ANKS1B: variants seen among roughly 807,000 people sequenced by gnomAD.
ANKS1B encodes the protein ankyrin repeat and sterile alpha motif domain-containing protein 1B.
A neutral mutation model predicts 148.3 loss-of-function variants in ANKS1B; 36 were observed. The ratio of observed to expected loss-of-function variants is 0.24; its 90% confidence interval spans 0.19 to 0.32. ANKS1B has a LOEUF of 0.32. Among genes scored for constraint, ANKS1B ranks in the 10% least tolerant of loss-of-function variants. The pLI, the probability that ANKS1B is intolerant of heterozygous loss-of-function variation, is 1.00. For synonymous variants in ANKS1B, 542 were observed against 560.8 expected, an observed-to-expected ratio of 0.97 and a Z score of 0.47; for missense variants, 1,157 against 1,542.6, an observed-to-expected ratio of 0.75 and a Z score of 4.19.
At chr12:99,369,345 GAT>G (rs1338301071) in intron 12 of ANKS1B, among the ~76,000 whole-genome samples, 2 of 152,098 alleles carry the variant, frequency 1.3e-5, no homozygotes, top group Non-Finnish European at 2.9e-5. Flanking sequence ...TATAGAATGT[GAT>G]ATATTTTACA....
intron 14 of ANKS1B, among the ~76,000 whole-genome samples, chr12:99,185,330 C>T (rs887940157): frequency 1.3e-5 from 2 of 152,178 alleles, no homozygotes; most frequent in African/African-American, 2.4e-5. Context: ...TTACTCACAA[C>T]GATTGGTATA....
At chr12:98,921,987 C>T (rs1024175263) in intron 17 of ANKS1B, among the ~76,000 whole-genome samples, 7 of 152,164 alleles carry the variant, frequency 4.6e-5, no homozygotes, top group Admixed American at 2.6e-4. Flanking sequence ...AATGTGAGGG[C>T]GATCTGCCCT....
intron 4 of ANKS1B, among the ~76,000 whole-genome samples, chr12:99,789,085 TGAC>T (rs2065323152): frequency 6.6e-6 from 1 of 152,192 alleles, no homozygotes; most frequent in Non-Finnish European, 1.5e-5. Context: ...GCTTCAGGTC[TGAC>T]CCAACACAAT....
intron 15 of ANKS1B, among the ~76,000 whole-genome samples, chr12:99,107,998 C>T (rs1176756422): frequency 6.6e-6 from 1 of 152,312 alleles, no homozygotes; most frequent in East Asian, 1.9e-4. Context: ...CTGAAACTTT[C>T]CCTGGGCCTC....
chr12:98,818,157 T>TTCTC (rs2099156832), intron 19 of ANKS1B, among the ~76,000 whole-genome samples: 1 of 47,578 alleles, frequency 2.1e-5, no homozygotes, highest in South Asian at 1.4e-3. Context: ...CCCTCCCTCC[T>TTCTC]TCCCTCCCTC....
At chr12:98,861,179 A>G (rs755630544) in intron 17 of ANKS1B, among the ~76,000 whole-genome samples, 1 of 152,222 alleles carries the variant, frequency 6.6e-6, no homozygotes, top group Non-Finnish European at 1.5e-5. Context: ...TTATGCTAGT[A>G]TTTCATAATT....
chr12:98,778,198 T>A (rs2098699602), intron 24 of ANKS1B, among the ~76,000 whole-genome samples: 1 of 152,174 alleles, frequency 6.6e-6, no homozygotes, highest in Non-Finnish European at 1.5e-5. Context: ...AACAGTAGGC[T>A]GGGCGTGGTG....
chr12:99,224,102 T>C (rs1180442371), intron 14 of ANKS1B, among the ~76,000 whole-genome samples: 1 of 148,478 alleles, frequency 6.7e-6, no homozygotes, highest in Non-Finnish European at 1.5e-5. Context: ...ATTTTTTAAA[T>C]TTTTTTTTTT....
intron 21 of ANKS1B, 107 bp downstream of exon 21, chr12:98,800,890 G>A: frequency 7.6e-7 from 1 of 1,314,998 alleles, no homozygotes; most frequent in Non-Finnish European, 1.0e-6. Flanking sequence ...AAAAATTTCA[G>A]TGATGGATAT....
chr12:99,702,471 T>C (rs1025294898), intron 8 of ANKS1B, among the ~76,000 whole-genome samples: 20 of 152,180 alleles, frequency 1.3e-4, no homozygotes, highest in African/African-American at 4.8e-4. Context: ...TCTGCAAATA[T>C]TGTCTCCCAT....
intron 1 of ANKS1B, among the ~76,000 whole-genome samples, chr12:99,954,006 C>T (rs938676293): frequency 1.3e-5 from 2 of 151,908 alleles, no homozygotes; most frequent in Non-Finnish European, 2.9e-5. Flanking sequence ...TAAGAAATAG[C>T]GGCAGCAAGA....
rs542488896 is a variant in ANKS1B, at chr12:99,439,601, T to C, written c.1575+4072A>G. Reference sequence around the variant, plus strand: ...GAAAAAATGCAAATTAAAACCATAATGAGAAATCATTTCACACCCAGAAGA... The same window carrying C: ...GAAAAAATGCAAATTAAAACCATAACGAGAAATCATTTCACACCCAGAAGA... On this transcript the variant is annotated intron_variant, in intron 11 of 26. Coordinates refer to ENST00000683438, the MANE Select transcript of ANKS1B (RefSeq NM_001352186.2). Among the ~76,000 whole-genome samples the C allele has an allele frequency of 2.6e-5, 4 of 151,666 alleles. No homozygotes were observed. In the South Asian group the frequency reaches 8.3e-4, roughly 31 times the overall value.
Position 98,877,191 on chromosome 12 carries a change from A to G in ANKS1B, c.2779-45055T>C, listed in dbSNP as rs553771328. Among the ~76,000 whole-genome samples the G allele has an allele frequency of 2.0e-5, 3 of 152,306 alleles. No individual in the cohort carries two copies. In the South Asian group the frequency reaches 6.2e-4, roughly 32 times the overall value. ...AGCCTAATGAGTCCCTCCTGTGACT[A>G]AAGAGGTAATGCAAAGAGAGGTCTC... is the stretch of plus-strand genomic sequence containing the variant. On this transcript the variant is annotated intron_variant, in intron 17 of 26. Coordinates refer to ENST00000683438, the MANE Select transcript of ANKS1B (RefSeq NM_001352186.2).
chr12:99,692,259 C>CA (rs77685873), intron 8 of ANKS1B, among the ~76,000 whole-genome samples: 32,019 of 151,942 alleles, frequency 0.21, 5,239 homozygotes, highest in East Asian at 0.46. Flanking sequence ...TACAATAATC[C>CA]GGTGAGAATT....
intron 15 of ANKS1B, among the ~76,000 whole-genome samples, chr12:99,134,645 T>TCTCTCTCACACA (rs1380319841): frequency 1.9e-5 from 2 of 105,106 alleles, no homozygotes; most frequent in African/African-American, 3.8e-5. Context: ...TCTCTCTCTC[T>TCTCTCTCACACA]CACACACACA....
At chr12:99,960,775 A>C (rs2095400286) in intron 1 of ANKS1B, among the ~76,000 whole-genome samples, 2 of 152,204 alleles carry the variant, frequency 1.3e-5, no homozygotes, top group South Asian at 4.1e-4. Flanking sequence ...GCAGAGTCTC[A>C]ATAACATTTA....
At chr12:98,867,631 C>A (rs1030203215) in intron 17 of ANKS1B, among the ~76,000 whole-genome samples, 1 of 152,070 alleles carries the variant, frequency 6.6e-6, no homozygotes, top group Non-Finnish European at 1.5e-5. Context: ...GAGGCTGAGG[C>A]GGGCAGATCA....
Position 99,641,203 on chromosome 12 carries a change from T to G in ANKS1B, c.1272+13864A>C, listed in dbSNP as rs188333213. 3.7e-3 allele frequency among the ~76,000 whole-genome samples: 566 copies of G among 152,336 alleles called. 7 individuals carry two copies. The South Asian group carries it at 0.047, about 13-fold the overall frequency. On this transcript the variant is annotated intron_variant, in intron 9 of 26. Coordinates refer to ENST00000683438, the MANE Select transcript of ANKS1B (RefSeq NM_001352186.2). ...AAAACAATTTTTAAAAATGTGCGTT[T>G]GTATTGTAAATAATTTATAGAGAAT...
At chr12:99,641,306 C>T (rs574135264) in intron 9 of ANKS1B, among the ~76,000 whole-genome samples, 84 of 152,262 alleles carry the variant, frequency 5.5e-4, no homozygotes, top group Middle Eastern at 6.8e-3. Flanking sequence ...AAAGAAGCAG[C>T]AGCAGAGGGT....
Sources: allele counts gnomAD v4.1 joint callset (sites outside exome capture counted in the v4.1 genomes callset), GRCh38; gene constraint gnomAD v4.1.1; transcripts MANE v1.5; gene names NCBI Gene and HGNC (gene_info 2026-07-23, HGNC 2026-07-21).